The following PPEF2 variants were observed in gnomAD, a reference collection of about 807,000 sequenced individuals.
The protein encoded by PPEF2 is serine/threonine-protein phosphatase with EF-hands 2.
Under a neutral mutation model 84.7 loss-of-function variants are expected in PPEF2, and 84 were observed. The ratio of observed to expected loss-of-function variants is 0.99; its 90% confidence interval spans 0.83 to 1.19. PPEF2 has a LOEUF of 1.19. Ranked by LOEUF, PPEF2 falls within the 50% of genes most tolerant of loss-of-function variation. PPEF2 has a pLI of 0.00. For synonymous variants in PPEF2, 346 were observed against 345.2 expected (o/e 1.00, Z -0.03); for missense variants, 924 against 937.5 (o/e 0.99, Z 0.19).
At chr4:75,894,867 G>T (rs1052827804) in intron 2 of PPEF2, among the ~76,000 whole-genome samples, 1 of 152,226 alleles carries the variant, frequency 6.6e-6, no homozygotes, top group Non-Finnish European at 1.5e-5. Flanking sequence ...TTATTCACAA[G>T]ATAAGGAAAC....
Position 75,860,551 on chromosome 4 carries a change from C to T in PPEF2, c.*116G>A. On this transcript the variant is annotated 3_prime_UTR_variant, in exon 17 of 17. Coordinates refer to ENST00000286719, the MANE Select transcript of PPEF2 (RefSeq NM_006239.3). Reference sequence around the variant, plus strand: ...CTGAAATACACAGGTGATTCTGATGCATATGGATAGGTAAATTTTCAGCAT... The same window carrying T: ...CTGAAATACACAGGTGATTCTGATGTATATGGATAGGTAAATTTTCAGCAT... 7.6e-7 allele frequency: 1 copy of T among 1,318,122 alleles called. No individual in the cohort carries two copies. Among genetic ancestry groups the T allele is most frequent in the Non-Finnish European group, 1.0e-6 (1 of 953,278 alleles). 81.7% of individuals were successfully genotyped at this position (1,318,122 alleles called of 1,614,324 possible). A position where few individuals can be genotyped will look rare whatever the true frequency, so the allele number is the denominator to read the frequency against.
At chr4:75,884,006 G>A (rs1395625732) in intron 8 of PPEF2, among the ~76,000 whole-genome samples, 2 of 151,886 alleles carry the variant, frequency 1.3e-5, no homozygotes, top group Non-Finnish European at 2.9e-5. Context: ...GGTGGCAGGT[G>A]CCTGTAATCC....
At position 75,888,272 on chromosome 4, in the gene PPEF2, T is replaced by A. The variant is rs760841605; in HGVS notation, c.474A>T (p.Val158=). ...AGACCCGGTTGATGTTTGGCAGCTG[T>A]ACCAGATGTTTCTTGGTTTCATACA... ...NLLYETKKHL[V]QLPNINRVST... The change falls in exon 6 of 17, where the codon GTA becomes GTT. Residue 158 remains valine, a synonymous_variant. Transcript: ENST00000286719. 1.2e-6 allele frequency: 2 copies of A among 1,614,080 alleles called. No homozygotes were observed. Among genetic ancestry groups the A allele is most frequent in the Admixed American group, 3.3e-5 (2 of 60,016 alleles).
rs372797010 is a variant in PPEF2 at position 75,883,095 on chromosome 4, C to T, written c.784-20G>A. The T allele has an allele frequency of 3.1e-6, 5 of 1,613,736 alleles. No individual in the cohort carries two copies. The highest frequency in any genetic ancestry group is 4.2e-6 in the Non-Finnish European group (5 of 1,179,786). Reference sequence around the variant, plus strand: ...GTGTACCTGGAAAAAATGATATAAACAAAATGTTATCAAATAATTCACTCA... The same window carrying T: ...GTGTACCTGGAAAAAATGATATAAATAAAATGTTATCAAATAATTCACTCA... On this transcript the variant is annotated intron_variant, in intron 9 of 16. Transcript: ENST00000286719.
chr4:75,862,411 A>C (rs1207228041), intron 16 of PPEF2, among the ~76,000 whole-genome samples: 1 of 152,116 alleles, frequency 6.6e-6, no homozygotes, highest in African/African-American at 2.4e-5. Flanking sequence ...GTCTGATACT[A>C]TCCTAGTACC....
At chr4:75,897,586 AAC>A (rs2149231016) in intron 1 of PPEF2, among the ~76,000 whole-genome samples, 1 of 152,308 alleles carries the variant, frequency 6.6e-6, no homozygotes, top group African/African-American at 2.4e-5. Flanking sequence ...CAGCCTGGCC[AAC>A]ATGGTGAAAC....
At chr4:75,877,073 G>A (rs992562571) in intron 10 of PPEF2, among the ~76,000 whole-genome samples, 7 of 101,102 alleles carry the variant, frequency 6.9e-5, no homozygotes, top group African/African-American at 2.1e-4. Context: ...GGTGGCTCAC[G>A]CCTGTAATCC....
At chr4:75,872,532 T>C (rs372543524) in intron 12 of PPEF2, among the ~76,000 whole-genome samples, 68 of 152,292 alleles carry the variant, frequency 4.5e-4, no homozygotes, top group African/African-American at 1.5e-3. Context: ...TTCTGAGAGC[T>C]GATGTGGTGC....
chr4:75,873,132 G>T lies in PPEF2; in HGVS notation c.1501C>A (p.Arg501Ser), dbSNP rs146787631. 1 of 1,613,136 alleles carries T rather than the reference G, an allele frequency of 6.2e-7. No individual in the cohort carries two copies. The highest frequency in any genetic ancestry group is 1.3e-5 in the African/African-American group (1 of 74,910). ...KPEGYEFCHNRKVLTIFSASN... is the reference protein window; with the variant it reads ...KPEGYEFCHNSKVLTIFSASN... ...GCTGCAGAGGGAGCACCCACCTTGCGGTTGTGACAGAATTCATAGCCTTCA... is the reference window on the plus strand; with the variant it reads ...GCTGCAGAGGGAGCACCCACCTTGCTGTTGTGACAGAATTCATAGCCTTCA... The change falls in exon 12 of 17, where the codon CGC (arginine) becomes AGC (serine). Residue 501 changes from arginine to serine, a missense_variant. Arg to Ser is a moderately radical substitution (Grantham distance 110, BLOSUM62 -1). Transcript: ENST00000286719.
intron 1 of PPEF2, among the ~76,000 whole-genome samples, chr4:75,901,506 G>T (rs373850333): frequency 3.5e-5 from 5 of 144,386 alleles, no homozygotes; most frequent in Non-Finnish European, 6.0e-5. Context: ...GGGTGACAGA[G>T]CGAGACTCCA....
intron 10 of PPEF2, among the ~76,000 whole-genome samples, chr4:75,882,233 C>G (rs1724594780): frequency 6.6e-6 from 1 of 152,268 alleles, no homozygotes; most frequent in South Asian, 2.1e-4. Context: ...AGTAAGCACT[C>G]AAAGCACATT....
chr4:75,890,486 C>A (rs1409058950), intron 4 of PPEF2, among the ~76,000 whole-genome samples: 1 of 29,904 alleles, frequency 3.3e-5, no homozygotes, highest in Non-Finnish European at 1.2e-4. Context: ...GAGACCCTGT[C>A]TCAAAAAAAA....
In PPEF2 at chr4:75,860,453, T is replaced by C. The variant is rs1314523024; in HGVS notation, c.*214A>G. ...ATACCTAAGTTCTACTTTGTGAAGA[T>C]TGTGAGGTGGGGTTGGGGCACTCAT... On this transcript the variant is annotated 3_prime_UTR_variant, in exon 17 of 17. Coordinates refer to ENST00000286719, the MANE Select transcript of PPEF2 (RefSeq NM_006239.3). 11 of 589,864 alleles carry C rather than the reference T, an allele frequency of 1.9e-5. No homozygotes were observed. The highest frequency in any genetic ancestry group is 1.2e-4 in the Admixed American group (4 of 32,052). The allele number at this position is 589,864 out of a possible 1,614,324, so 36.5% of individuals were successfully genotyped here. A position where few individuals can be genotyped will look rare whatever the true frequency, so the allele number is the denominator to read the frequency against.
intron 1 of PPEF2, among the ~76,000 whole-genome samples, chr4:75,896,936 G>C (rs763573437): frequency 6.6e-6 from 1 of 151,926 alleles, no homozygotes; most frequent in African/African-American, 2.4e-5. Flanking sequence ...GGCTGGAGTA[G>C]TGCAGTGGCA....
chr4:75,884,424 C>CAA (rs34238193), intron 8 of PPEF2, among the ~76,000 whole-genome samples, 170 bp downstream of exon 8: 25,537 of 144,062 alleles, frequency 0.18, 3,616 homozygotes, highest in East Asian at 0.57. Context: ...AGACTCTCTC[C>CAA]AAAAAAAAAA....
intron 7 of PPEF2, among the ~76,000 whole-genome samples, chr4:75,886,416 GGCAC>G (rs1215086237): frequency 3.3e-5 from 5 of 152,180 alleles, no homozygotes; most frequent in African/African-American, 1.2e-4. Context: ...GTCATGCAAC[GGCAC>G]GTTCGTGGGG....
chr4:75,899,195 C>A (rs1725069283), intron 1 of PPEF2, among the ~76,000 whole-genome samples: 1 of 152,162 alleles, frequency 6.6e-6, no homozygotes, highest in Non-Finnish European at 1.5e-5. Flanking sequence ...GGATTTCATC[C>A]TTTTTATGGC....
At chr4:75,888,889 TAACAC>T (rs1400997468) in intron 5 of PPEF2, among the ~76,000 whole-genome samples, 3 of 152,348 alleles carry the variant, frequency 2.0e-5, no homozygotes, top group African/African-American at 7.2e-5. Flanking sequence ...TACACTGTCT[TAACAC>T]AGCAACCAGA....
chr4:75,900,970 A>G (rs1725107500), intron 1 of PPEF2, among the ~76,000 whole-genome samples: 1 of 152,244 alleles, frequency 6.6e-6, no homozygotes, highest in South Asian at 2.1e-4. Flanking sequence ...GTATATAAAA[A>G]TGAAAGACTA....
Sources: allele counts gnomAD v4.1 joint callset (sites outside exome capture counted in the v4.1 genomes callset), GRCh38; gene constraint gnomAD v4.1.1; transcripts MANE v1.5; gene names NCBI Gene and HGNC (gene_info 2026-07-23, HGNC 2026-07-21).